The following TRPC3 variants were observed in gnomAD, a reference collection of about 807,000 sequenced individuals.
The protein encoded by TRPC3 is transient receptor potential cation channel subfamily C member 3, also known as short transient receptor potential channel 3.
TRPC3 carries 54 observed loss-of-function variants against 90.9 expected under a neutral mutation model. The observed-to-expected ratio is 0.59, with a 90% CI of 0.48 to 0.75. The LOEUF (loss-of-function observed/expected upper bound fraction) is 0.75, where lower values mean the gene tolerates loss of function less well. Ranked by LOEUF, TRPC3 falls within the 30% of genes least tolerant of loss-of-function variation. TRPC3 has a pLI of 0.00. For synonymous variants in TRPC3, 424 were observed against 450.9 expected (o/e 0.94, Z 0.75); for missense variants, 918 against 1,194.5 (o/e 0.77, Z 3.41).
At chr4:121,942,800 A>G (rs1377653505) in intron 1 of TRPC3, among the ~76,000 whole-genome samples, 1 of 152,186 alleles carries the variant, frequency 6.6e-6, no homozygotes, top group Non-Finnish European at 1.5e-5. Flanking sequence ...CTAACAGTGC[A>G]TTGTTCCCTC....
intron 8 of TRPC3, 114 bp from the exon 9 acceptor site, chr4:121,903,175 A>C: frequency 1.2e-6 from 1 of 812,308 alleles, no homozygotes; most frequent in South Asian, 1.9e-5. Flanking sequence ...TAGGTAACTT[A>C]TACACATTTA....
chr4:121,915,175 T>C (rs568699080), intron 3 of TRPC3, among the ~76,000 whole-genome samples: 1 of 152,316 alleles, frequency 6.6e-6, no homozygotes, highest in South Asian at 2.1e-4. Context: ...GTAAAATTGG[T>C]GGTGTCCTTA....
At position 121,932,060 on chromosome 4, in the gene TRPC3, A is replaced by C. The variant is rs1729950263; in HGVS notation, c.987+211T>G. Among the ~76,000 whole-genome samples the C allele has an allele frequency of 6.6e-6, 1 of 152,222 alleles. No homozygotes were observed. ...TAATTATAGCTCTCTGATCCAGAAT[A>C]CTGGATCCCCAAAGCGAATTTGTCA... is the stretch of plus-strand genomic sequence containing the variant. On this transcript the variant is annotated intron_variant, in intron 2 of 11. Transcript: ENST00000379645. This position sits in a 1 kb window ranked among gnomAD's most constrained non-coding sequence, Gnocchi z 7.7.
intron 10 of TRPC3, among the ~76,000 whole-genome samples, chr4:121,894,565 T>G (rs979542630): frequency 6.6e-5 from 9 of 135,402 alleles, no homozygotes; most frequent in South Asian, 2.6e-4. Flanking sequence ...GTTTTTTTTT[T>G]TTTTTTTTTT....
At chr4:121,941,722 T>C (rs1233232893) in intron 1 of TRPC3, among the ~76,000 whole-genome samples, 2 of 152,212 alleles carry the variant, frequency 1.3e-5, no homozygotes, top group African/African-American at 4.8e-5. Flanking sequence ...CATCTGACAT[T>C]TACACAATAG....
rs1291470168 is a variant in TRPC3, at chr4:121,932,387, A to G, written c.871T>C (p.Tyr291His). ...TAAGCCGGGCTGGCCAGCCCCTTGT[A>G]GGCATTGATCCTCGAGCGTGAGTGG... ...FSHSRSRINA[Y>H]KGLASPAYLS... The change falls in exon 2 of 12, where the codon TAC becomes CAC. Residue 291 changes from tyrosine to histidine, a missense_variant. This residue lies in a region of TRPC3 where 609 missense variants were observed against 725.9 expected (regional missense o/e 0.84). Transcript: ENST00000379645. The surrounding 1 kb of genome is among the most constrained non-coding windows in gnomAD (Gnocchi z 7.7). 6.2e-7 allele frequency: 1 copy of G among 1,614,076 alleles called. No homozygotes were observed. The highest frequency in any genetic ancestry group is 1.7e-5 in the Admixed American group (1 of 60,018).
intron 3 of TRPC3, among the ~76,000 whole-genome samples, chr4:121,915,367 G>C (rs1729272690): frequency 2.0e-5 from 3 of 152,186 alleles, no homozygotes; most frequent in Non-Finnish European, 4.4e-5. Context: ...AGCTAAAAGA[G>C]AAATGTGTGA....
rs200841540 is a variant in TRPC3 at position 121,932,817 on chromosome 4, G to A, written c.441C>T (p.Gly147=). 119 of 1,610,222 alleles carry A rather than the reference G, an allele frequency of 7.4e-5. No individual in the cohort carries two copies. In the South Asian group the frequency reaches 1.2e-3, roughly 16 times the overall value. The part of the protein sequence containing the change: ...TLNVNCVDYM[G]QNALQLAVGN... ...CCACAGCCAGCTGCAGCGCGTTCTG[G>A]CCCATGTAGTCCACGCAGTTGACGT... is the stretch of plus-strand genomic sequence containing the variant. The change falls in exon 2 of 12, where the codon GGC becomes GGT. Residue 147 remains glycine (G), a synonymous_variant. Coordinates refer to ENST00000379645, the MANE Select transcript of TRPC3 (RefSeq NM_001130698.2). The surrounding 1 kb of genome is among the most constrained non-coding windows in gnomAD (Gnocchi z 7.7).
intron 4 of TRPC3, among the ~76,000 whole-genome samples, chr4:121,914,043 G>A (rs1363032814): frequency 6.6e-6 from 1 of 152,224 alleles, no homozygotes; most frequent in Non-Finnish European, 1.5e-5. Context: ...CTCTCTGGCA[G>A]TGCCTGTAAT....
Position 121,951,133 on chromosome 4 carries a change from G to A in TRPC3, c.215+333C>T, listed in dbSNP as rs114166592. Among the ~76,000 whole-genome samples, 336 of 152,292 alleles carry A rather than the reference G, an allele frequency of 2.2e-3. 1 individual carries two copies. Among genetic ancestry groups the A allele is most frequent in the African/African-American group, 7.8e-3 (324 of 41,572 alleles). ...CCCAGCCCTGGCAGCAGTCGTGCGA[G>A]CTCCTCGGCTCTAATACAGGGAGTG... On this transcript the variant is annotated intron_variant, in intron 1 of 11. Transcript: ENST00000379645. This position sits in a 1 kb window ranked among gnomAD's most constrained non-coding sequence, Gnocchi z 4.4.
chr4:121,946,104 C>T (rs1224273224), intron 1 of TRPC3, among the ~76,000 whole-genome samples: 5 of 152,242 alleles, frequency 3.3e-5, no homozygotes, highest in Admixed American at 2.0e-4. Flanking sequence ...GGAGGTCCAA[C>T]ATCCAGACCA....
At position 121,879,509 on chromosome 4, in the gene TRPC3, T is replaced by C. The variant is rs1727869542; in HGVS notation, c.*227A>G. On this transcript the variant is annotated 3_prime_UTR_variant, in exon 12 of 12. Coordinates refer to ENST00000379645, the MANE Select transcript of TRPC3 (RefSeq NM_001130698.2). ...TAAAAGTTTCAATAATATAGTAATATTGGGCTTTTCAACACAATGGTATGC... is the reference window on the plus strand; with the variant it reads ...TAAAAGTTTCAATAATATAGTAATACTGGGCTTTTCAACACAATGGTATGC... 2 of 471,426 alleles carry C rather than the reference T, an allele frequency of 4.2e-6. No homozygotes were observed. The highest frequency in any genetic ancestry group is 7.3e-6 in the Non-Finnish European group (2 of 273,892). 29.2% of individuals were successfully genotyped at this position (471,426 alleles called of 1,614,324 possible).
intron 1 of TRPC3, among the ~76,000 whole-genome samples, chr4:121,948,878 T>G (rs1394173899): frequency 4.5e-4 from 69 of 152,248 alleles, no homozygotes; most frequent in Admixed American, 2.2e-3. Flanking sequence ...GTTGTTGTTT[T>G]TTTTTAAAAC....
In TRPC3 at chr4:121,951,400, C is replaced by T; in HGVS notation, c.215+66G>A. On this transcript the variant is annotated intron_variant, in intron 1 of 11. Transcript: ENST00000379645. The surrounding 1 kb of genome is among the most constrained non-coding windows in gnomAD (Gnocchi z 4.4). ...GCTCGACGTGGAGCCGCCCGGCGCG[C>T]GCCTTCCCGCCCCCCGCCCGGCACC... The T allele has an allele frequency of 1.9e-6, 2 of 1,075,444 alleles. No individual in the cohort carries two copies. The highest frequency in any genetic ancestry group is 2.3e-6 in the Non-Finnish European group (2 of 871,918). The allele number at this position is 1,075,444 out of a possible 1,614,324, so 66.6% of individuals were successfully genotyped here.
intron 10 of TRPC3, among the ~76,000 whole-genome samples, chr4:121,885,138 T>C (rs577106651): frequency 2.0e-4 from 31 of 152,262 alleles, no homozygotes; most frequent in Admixed American, 1.2e-3. Context: ...TAGACAGAAA[T>C]CAGTTTCGCC....
chr4:121,923,449 G>A (rs1325867979), intron 3 of TRPC3, among the ~76,000 whole-genome samples: 1 of 152,070 alleles, frequency 6.6e-6, no homozygotes, highest in African/African-American at 2.4e-5. Flanking sequence ...TCAGTACAAG[G>A]GGCATGAAAT....
intron 1 of TRPC3, among the ~76,000 whole-genome samples, chr4:121,950,380 C>G (rs188633343): frequency 1.9e-3 from 293 of 152,332 alleles, no homozygotes; most frequent in African/African-American, 6.8e-3. Flanking sequence ...CCTCGGTCCC[C>G]ATCCTGGAGA....
At chr4:121,891,044 A>T (rs1399596447) in intron 10 of TRPC3, among the ~76,000 whole-genome samples, 1 of 152,080 alleles carries the variant, frequency 6.6e-6, no homozygotes, top group Non-Finnish European at 1.5e-5. Context: ...ATTGATACAG[A>T]TCCATCTATA....
At chr4:121,924,074 A>G (rs540847353) in intron 3 of TRPC3, among the ~76,000 whole-genome samples, 5 of 152,280 alleles carry the variant, frequency 3.3e-5, no homozygotes, top group African/African-American at 1.2e-4. Flanking sequence ...TAAAAAAATC[A>G]TAATTTTTAT....
Sources: allele counts gnomAD v4.1 joint callset (sites outside exome capture counted in the v4.1 genomes callset), GRCh38; gene constraint gnomAD v4.1.1; regional missense constraint gnomAD v4.1.1; non-coding constraint Gnocchi (gnomAD v3.1); transcripts MANE v1.5; gene names NCBI Gene and HGNC (gene_info 2026-07-23, HGNC 2026-07-21).